Variants in GALNT1 observed in about 807,000 individuals in gnomAD.
GALNT1 encodes the protein polypeptide N-acetylgalactosaminyltransferase 1, also known as GalNAc transferase 1.
In GALNT1, 17 loss-of-function variants were observed where a neutral mutation model predicts 65.7. The observed-to-expected ratio is 0.26, with a 90% CI of 0.18 to 0.39. GALNT1 has a LOEUF of 0.39. Among genes scored for constraint, GALNT1 ranks in the 10% least tolerant of loss-of-function variants. GALNT1 has a pLI of 1.00. For missense variants in GALNT1, 460 were observed against 672.8 expected (o/e 0.68, Z 3.50); for synonymous variants, 210 against 219.7 (o/e 0.96, Z 0.39).
At position 35,687,076 on chromosome 18, in the gene GALNT1, A is replaced by T; in HGVS notation, c.750A>T (p.Ala250=). Residue 250 remains alanine (A), a synonymous_variant, in exon 6 of 12, where the codon GCA becomes GCT. Coordinates refer to ENST00000269195, the MANE Select transcript of GALNT1 (RefSeq NM_020474.4). ...VISDDTFEYM[A]GSDMTYGGFN... Reference sequence around the variant, plus strand: ...GTGATGATACTTTTGAGTACATGGCAGGCTCTGATATGACCTATGGTGGGT... The same window carrying T: ...GTGATGATACTTTTGAGTACATGGCTGGCTCTGATATGACCTATGGTGGGT... 1 of 1,613,962 alleles carries T rather than the reference A, an allele frequency of 6.2e-7. No individual in the cohort carries two copies. Among genetic ancestry groups the T allele is most frequent in the Non-Finnish European group, 8.5e-7 (1 of 1,179,862 alleles).
intron 1 of GALNT1, among the ~76,000 whole-genome samples, chr18:35,582,190 G>GT (rs2046330551): frequency 6.6e-6 from 1 of 152,162 alleles, no homozygotes; most frequent in Non-Finnish European, 1.5e-5. Context: ...CGGCCGTGTG[G>GT]TACTTGCAAC....
chr18:35,704,822 T>A (rs1437956027), intron 11 of GALNT1, among the ~76,000 whole-genome samples: 1 of 151,834 alleles, frequency 6.6e-6, no homozygotes, highest in Non-Finnish European at 1.5e-5. Context: ...TTTTGTACTT[T>A]TAGTAGAGAC....
At chr18:35,614,352 T>C (rs1330954220) in intron 1 of GALNT1, among the ~76,000 whole-genome samples, 1 of 152,102 alleles carries the variant, frequency 6.6e-6, no homozygotes, top group Non-Finnish European at 1.5e-5. Context: ...AAAAACCATA[T>C]CATCCTAAAA....
chr18:35,632,186 T>C (rs1359400209), intron 1 of GALNT1, among the ~76,000 whole-genome samples: 2 of 152,142 alleles, frequency 1.3e-5, no homozygotes, highest in South Asian at 4.1e-4. Flanking sequence ...CTTCACAGAA[T>C]TGGAAAAAAC....
At chr18:35,591,463 A>T (rs914092759) in intron 1 of GALNT1, among the ~76,000 whole-genome samples, 4 of 152,258 alleles carry the variant, frequency 2.6e-5, no homozygotes, top group Non-Finnish European at 5.9e-5. Flanking sequence ...TTTGCTCTTT[A>T]TAACAAAATT....
At chr18:35,641,522 AAC>A (rs2144299466) in intron 1 of GALNT1, among the ~76,000 whole-genome samples, 1 of 152,316 alleles carries the variant, frequency 6.6e-6, no homozygotes, top group South Asian at 2.1e-4. Flanking sequence ...TAACAAGAAA[AAC>A]ACAAAACAAC....
chr18:35,666,521 T>C (rs1399127733), intron 3 of GALNT1, among the ~76,000 whole-genome samples: 2 of 152,230 alleles, frequency 1.3e-5, no homozygotes, highest in African/African-American at 4.8e-5. Flanking sequence ...CAATCAACTA[T>C]TATTGTTTCT....
intron 1 of GALNT1, among the ~76,000 whole-genome samples, chr18:35,601,410 A>G (rs1052269963): frequency 2.0e-5 from 3 of 151,938 alleles, no homozygotes; most frequent in African/African-American, 7.2e-5. Context: ...TTTGTTGTGT[A>G]GATCTTTTAT....
At chr18:35,685,299 C>CAGCG (rs2047851223) in intron 5 of GALNT1, among the ~76,000 whole-genome samples, 1 of 152,040 alleles carries the variant, frequency 6.6e-6, no homozygotes, top group Non-Finnish European at 1.5e-5. Context: ...ATTACAAAAA[C>CAGCG]TAATTCGTTT....
intron 2 of GALNT1, among the ~76,000 whole-genome samples, chr18:35,657,632 A>G (rs1449157019): frequency 2.6e-5 from 4 of 152,164 alleles, no homozygotes; most frequent in African/African-American, 9.6e-5. Flanking sequence ...AGTAGGTCAT[A>G]GAAGCCCAGC....
At chr18:35,601,252 A>G (rs576727921) in intron 1 of GALNT1, among the ~76,000 whole-genome samples, 29 of 152,100 alleles carry the variant, frequency 1.9e-4, no homozygotes, top group South Asian at 4.1e-4. Context: ...ATAGTCTCCA[A>G]TGATCCTCTG....
intron 1 of GALNT1, among the ~76,000 whole-genome samples, chr18:35,625,933 A>G (rs16966921): frequency 0.096 from 14,537 of 152,114 alleles, 844 homozygotes; most frequent in African/African-American, 0.17. Flanking sequence ...CTTTAGCATG[A>G]TAGTTAAGAT....
chr18:35,691,850 G>A (rs2047968912), intron 8 of GALNT1, among the ~76,000 whole-genome samples: 1 of 152,192 alleles, frequency 6.6e-6, no homozygotes, highest in African/African-American at 2.4e-5. Context: ...AGAGAAGCCT[G>A]ACTGCAAACA....
chr18:35,632,441 A>T (rs1338099749), intron 1 of GALNT1, among the ~76,000 whole-genome samples: 1 of 152,172 alleles, frequency 6.6e-6, no homozygotes, highest in African/African-American at 2.4e-5. Context: ...CAAAAACAAG[A>T]AATGGGGAAA....
Position 35,703,593 on chromosome 18 carries a change from C to T in GALNT1, c.1483C>T (p.Leu495Phe), listed in dbSNP as rs756266958. Reference sequence around the variant, plus strand: ...CAAACTTAATGGCCCAGTTACAATGCTCAAATGCCACCACCTAAAAGGCAA... The same window carrying T: ...CAAACTTAATGGCCCAGTTACAATGTTCAAATGCCACCACCTAAAAGGCAA... ...VSKLNGPVTM[L>F]KCHHLKGNQL... The change falls in exon 11 of 12, where the codon CTC (leucine) becomes TTC (phenylalanine). Residue 495 changes from leucine (L) to phenylalanine (F), a missense_variant. Coordinates refer to ENST00000269195, the MANE Select transcript of GALNT1 (RefSeq NM_020474.4). 1 of 1,614,012 alleles carries T rather than the reference C, an allele frequency of 6.2e-7. No homozygotes were observed. The highest frequency in any genetic ancestry group is 8.5e-7 in the Non-Finnish European group (1 of 1,179,952).
chr18:35,622,002 TTC>T, intron 1 of GALNT1, among the ~76,000 whole-genome samples: 1 of 152,242 alleles, frequency 6.6e-6, no homozygotes, highest in Middle Eastern at 3.4e-3. Context: ...GTAGACAGAG[TTC>T]TCTGACCTTG....
intron 1 of GALNT1, among the ~76,000 whole-genome samples, chr18:35,630,157 T>C (rs2046986333): frequency 6.6e-6 from 1 of 152,018 alleles, no homozygotes; most frequent in Non-Finnish European, 1.5e-5. Flanking sequence ...GACAGAAAGT[T>C]AACAAGGATA....
intron 1 of GALNT1, among the ~76,000 whole-genome samples, chr18:35,635,909 C>G (rs1052239223): frequency 1.3e-5 from 2 of 152,086 alleles, no homozygotes; most frequent in Non-Finnish European, 2.9e-5. Context: ...TTGTGAAGGT[C>G]TTCCTTGTGA....
intron 1 of GALNT1, among the ~76,000 whole-genome samples, chr18:35,648,107 G>T (rs1014771628): frequency 6.7e-6 from 1 of 148,962 alleles, no homozygotes; most frequent in Non-Finnish European, 1.5e-5. Flanking sequence ...AGGGAGGAAA[G>T]GAGGGAAGGA....
Sources: allele counts gnomAD v4.1 joint callset (sites outside exome capture counted in the v4.1 genomes callset), GRCh38; gene constraint gnomAD v4.1.1; transcripts MANE v1.5; gene names NCBI Gene and HGNC (gene_info 2026-07-23, HGNC 2026-07-21).